Variants in PLXNA4 observed in about 807,000 individuals in gnomAD.
PLXNA4 encodes plexin A4, also known as plexin-A4.
In PLXNA4, 44 loss-of-function variants were observed where a neutral mutation model predicts 191.8. That is an observed-to-expected ratio of 0.23 (90% confidence interval 0.18 to 0.29). PLXNA4 has a LOEUF of 0.29. Ranked by LOEUF, PLXNA4 falls within the 10% of genes least tolerant of loss-of-function variation. The pLI, the probability that PLXNA4 is intolerant of heterozygous loss-of-function variation, is 1.00. For missense variants in PLXNA4, 1,800 were observed against 2,488.8 expected (o/e 0.72, Z 5.89); for synonymous variants, 1,082 against 1,009.5 (o/e 1.07, Z -1.36).
chr7:132,337,821 C>A (rs1239541476), intron 3 of PLXNA4, among the ~76,000 whole-genome samples: 2 of 152,144 alleles, frequency 1.3e-5, no homozygotes, highest in Non-Finnish European at 2.9e-5. Context: ...ACTCAAGGGT[C>A]TTTTCTTGAA....
chr7:132,513,689 T>TGTTTTGTTTTG (rs1798827908), intron 1 of PLXNA4, among the ~76,000 whole-genome samples: 1 of 152,178 alleles, frequency 6.6e-6, no homozygotes, highest in African/African-American at 2.4e-5. Flanking sequence ...TGTTTTGTTT[T>TGTTTTGTTTTG]TGAGATGGAG....
At chr7:132,401,565 G>C (rs1012615203) in intron 3 of PLXNA4, among the ~76,000 whole-genome samples, 1 of 152,190 alleles carries the variant, frequency 6.6e-6, no homozygotes, top group African/African-American at 2.4e-5. Flanking sequence ...CATAAGGTTA[G>C]AGGAAGTCCG....
At chr7:132,208,972 C>T (rs927523020) in intron 10 of PLXNA4, among the ~76,000 whole-genome samples, 12 of 152,192 alleles carry the variant, frequency 7.9e-5, no homozygotes, top group Non-Finnish European at 1.2e-4. Context: ...AGGCAGCTCT[C>T]GGCCTGGGAA....
intron 4 of PLXNA4, among the ~76,000 whole-genome samples, chr7:132,254,563 C>T (rs557253657): frequency 6.6e-6 from 1 of 152,330 alleles, no homozygotes; most frequent in Admixed American, 6.5e-5. Context: ...TGTCAGTGCT[C>T]AGCAACGTCC....
At chr7:132,563,477 G>C (rs908158423) in intron 1 of PLXNA4, among the ~76,000 whole-genome samples, 105 of 20,080 alleles carry the variant, frequency 5.2e-3, no homozygotes, top group South Asian at 6.8e-3. Context: ...TCCTCCTTCT[G>C]CTGCTCCTCC....
At chr7:132,499,684 G>A (rs1798169183) in intron 2 of PLXNA4, among the ~76,000 whole-genome samples, 2 of 152,192 alleles carry the variant, frequency 1.3e-5, no homozygotes, top group Non-Finnish European at 2.9e-5. Context: ...TCCCCAGGCT[G>A]AGTTATGGGG....
At chr7:132,289,535 A>G (rs1584949570) in intron 4 of PLXNA4, among the ~76,000 whole-genome samples, 1 of 151,928 alleles carries the variant, frequency 6.6e-6, no homozygotes, top group South Asian at 2.1e-4. Flanking sequence ...ATTTATTTTT[A>G]TTTATTTTTT....
intron 3 of PLXNA4, among the ~76,000 whole-genome samples, chr7:132,382,609 C>T (rs1376342228): frequency 6.6e-6 from 1 of 152,164 alleles, no homozygotes; most frequent in Non-Finnish European, 1.5e-5. Flanking sequence ...CAAATGGCTG[C>T]TACATCATCA....
At chr7:132,159,761 G>A (rs1270436665) in intron 24 of PLXNA4, 129 bp from the exon 25 acceptor site, 1 of 1,458,876 alleles carries the variant, frequency 6.9e-7, no homozygotes, top group African/African-American at 1.4e-5. Context: ...GGAGGAGTAG[G>A]GTGGCTCCAG....
intron 2 of PLXNA4, among the ~76,000 whole-genome samples, chr7:132,644,247 G>A (rs1023836919): frequency 6.6e-6 from 1 of 152,160 alleles, no homozygotes; most frequent in Admixed American, 6.6e-5. Context: ...CAGTAGCAAC[G>A]CCCACCTCAT....
chr7:132,370,630 A>C (rs1393519834), intron 3 of PLXNA4, among the ~76,000 whole-genome samples: 1 of 151,968 alleles, frequency 6.6e-6, no homozygotes, highest in African/African-American at 2.4e-5. Context: ...GTGCCTGTGT[A>C]TGTGTGTGTG....
At chr7:132,361,560 A>G (rs570749751) in intron 3 of PLXNA4, among the ~76,000 whole-genome samples, 1 of 152,300 alleles carries the variant, frequency 6.6e-6, no homozygotes, top group East Asian at 1.9e-4. Flanking sequence ...CTCTTTTGCT[A>G]AGAGAATATT....
upstream of PLXNA4, among the ~76,000 whole-genome samples, chr7:132,578,622 T>C (rs1393292058): frequency 6.6e-6 from 1 of 152,032 alleles, no homozygotes; most frequent in Non-Finnish European, 1.5e-5. Flanking sequence ...GCGGCACATA[T>C]AGGTCAGGCT....
At chr7:132,140,900 G>A (rs1795249306) in intron 29 of PLXNA4, 89 bp from the exon 30 acceptor site, 1 of 1,547,596 alleles carries the variant, frequency 6.5e-7, no homozygotes, top group South Asian at 1.2e-5. Flanking sequence ...AAGGAGAGAA[G>A]CCTGGGGAAC....
chr7:132,245,625 T>C (rs1473414992), intron 4 of PLXNA4, among the ~76,000 whole-genome samples: 3 of 152,178 alleles, frequency 2.0e-5, no homozygotes, highest in Admixed American at 1.3e-4. Flanking sequence ...AAAGAGACAT[T>C]TGCACACTCA....
chr7:132,537,215 G>C (rs747982815), intron 1 of PLXNA4, among the ~76,000 whole-genome samples: 6 of 152,200 alleles, frequency 3.9e-5, no homozygotes, highest in Non-Finnish European at 8.8e-5. Context: ...AATGGGTCAA[G>C]CTACCCCAGA....
At chr7:132,294,372 G>C (rs773648534) in intron 4 of PLXNA4, among the ~76,000 whole-genome samples, 4 of 152,220 alleles carry the variant, frequency 2.6e-5, no homozygotes, top group African/African-American at 9.6e-5. Context: ...GGAGAGCGGG[G>C]AGAGCGGCAG....
At chr7:132,242,251 T>C (rs1387501626) in intron 4 of PLXNA4, among the ~76,000 whole-genome samples, 2 of 152,142 alleles carry the variant, frequency 1.3e-5, no homozygotes, top group Non-Finnish European at 2.9e-5. Flanking sequence ...CTAAGAGAAT[T>C]TGATGTGGCC....
rs10535106 is a variant in PLXNA4, at chr7:132,384,745, T to TACAC, written c.1372-86527_1372-86524dup. On this transcript the variant is annotated intron_variant, in intron 3 of 31. Transcript: ENST00000321063. ...ACACACCTTTAAACACAGATAAGCATACACACACACACACACACACACACA... is the reference window on the plus strand; with the variant it reads ...ACACACCTTTAAACACAGATAAGCATACACACACACACACACACACACACACACA... 4,339 of 992,754 alleles carry TACAC rather than the reference T, an allele frequency of 4.4e-3. 53 individuals are homozygous for TACAC. In the African/African-American group the frequency reaches 0.046, roughly 11 times the overall value. 61.5% of individuals were successfully genotyped at this position (992,754 alleles called of 1,614,324 possible). A position where few individuals can be genotyped will look rare whatever the true frequency, so the allele number is the denominator to read the frequency against.
Sources: allele counts gnomAD v4.1 joint callset (sites outside exome capture counted in the v4.1 genomes callset), GRCh38; gene constraint gnomAD v4.1.1; transcripts MANE v1.5; gene names NCBI Gene and HGNC (gene_info 2026-07-23, HGNC 2026-07-21).